The following RPTOR variants were observed in gnomAD, a reference collection of about 807,000 sequenced individuals.
RPTOR encodes regulatory associated protein of MTOR complex 1, also known as regulatory-associated protein of mTOR.
In RPTOR, 21 loss-of-function variants were observed where a neutral mutation model predicts 169.9. The ratio of observed to expected loss-of-function variants is 0.12; its 90% CI spans 0.09 to 0.18. The LOEUF (loss-of-function observed/expected upper bound fraction) is 0.18, where lower values mean the gene tolerates loss of function less well. RPTOR is among the 10% of genes least tolerant of loss of function. The pLI, the probability that RPTOR is intolerant of heterozygous loss-of-function variation, is 1.00. For missense variants in RPTOR, 1,133 were observed against 1,855.9 expected, an observed-to-expected ratio of 0.61 and a Z score of 7.16; for synonymous variants, 732 against 753.2, an observed-to-expected ratio of 0.97 and a Z score of 0.46.
chr17:80,634,492 CTG>C (rs139581970), intron 2 of RPTOR, among the ~76,000 whole-genome samples: 18,762 of 100,844 alleles, frequency 0.19, 1,834 homozygotes, highest in East Asian at 0.25. Context: ...TGTGTGCATA[CTG>C]TGTGTGTGCA....
chr17:80,646,466 A>C lies in RPTOR; in HGVS notation c.348+2656A>C, dbSNP rs985533614. Among the ~76,000 whole-genome samples the C allele has an allele frequency of 6.6e-6, 1 of 152,186 alleles. No homozygotes were observed. Among genetic ancestry groups the C allele is most frequent in the East Asian group, 1.9e-4 (1 of 5,192 alleles). ...GGACAGAGGGAGGGAGGCCTGGCATAGATAGCGTGGCTCTCAGTGTGGGGC... is the reference window on the plus strand; with the variant it reads ...GGACAGAGGGAGGGAGGCCTGGCATCGATAGCGTGGCTCTCAGTGTGGGGC... On this transcript the variant is annotated intron_variant, in intron 3 of 33. Coordinates refer to ENST00000306801, the MANE Select transcript of RPTOR (RefSeq NM_020761.3). This position sits in a 1 kb window ranked among gnomAD's most constrained non-coding sequence, Gnocchi z 5.0.
intron 3 of RPTOR, among the ~76,000 whole-genome samples, chr17:80,706,620 GCCTCGCTGTCTTAATGAGAGGCCC>G (rs1555609725): frequency 1.3e-5 from 2 of 152,232 alleles, no homozygotes; most frequent in Non-Finnish European, 2.9e-5. Flanking sequence ...CGTGCCCCCA[GCCTCGCTGTCTTAATGAGAGGCCC>G]TAGGGGAGCC....
chr17:80,799,931 T>G (rs1195645800), intron 7 of RPTOR, among the ~76,000 whole-genome samples: 5 of 152,180 alleles, frequency 3.3e-5, no homozygotes, highest in African/African-American at 1.2e-4. Flanking sequence ...TGCCCATGTG[T>G]CCTTGCCCGC....
intron 3 of RPTOR, among the ~76,000 whole-genome samples, chr17:80,696,766 C>T (rs2066040636): frequency 2.6e-5 from 4 of 152,174 alleles, no homozygotes; most frequent in Admixed American, 2.6e-4. Context: ...CCAGCCAGCC[C>T]CCCCAAGCAC....
At chr17:80,660,612 T>A (rs1433589053) in intron 3 of RPTOR, among the ~76,000 whole-genome samples, 3 of 152,184 alleles carry the variant, frequency 2.0e-5, no homozygotes, top group African/African-American at 7.2e-5. Flanking sequence ...GATCACTCCC[T>A]GCCCCGTTTC....
intron 1 of RPTOR, among the ~76,000 whole-genome samples, chr17:80,575,990 T>C (rs2064960077): frequency 1.3e-5 from 2 of 152,366 alleles, no homozygotes; most frequent in South Asian, 4.1e-4. Flanking sequence ...ATAAAACTTT[T>C]TGCCTTACAG....
chr17:80,963,384 G>A (rs377092466), intron 33 of RPTOR, among the ~76,000 whole-genome samples: 6 of 150,308 alleles, frequency 4.0e-5, no homozygotes, highest in East Asian at 3.9e-4. Flanking sequence ...ATCCCTGTGC[G>A]GCCCTCACCC....
At chr17:80,552,641 C>T (rs1351686158) in intron 1 of RPTOR, among the ~76,000 whole-genome samples, 2 of 152,210 alleles carry the variant, frequency 1.3e-5, no homozygotes, top group Non-Finnish European at 2.9e-5. Context: ...AAGGCTTCCA[C>T]ATACATTATC....
At chr17:80,565,045 T>G (rs548861192) in intron 1 of RPTOR, among the ~76,000 whole-genome samples, 1 of 152,344 alleles carries the variant, frequency 6.6e-6, no homozygotes, top group African/African-American at 2.4e-5. Flanking sequence ...TTAGGTTGAT[T>G]CCATGTCTTT....
rs1297945737 is a variant in RPTOR, at chr17:80,925,351, T to C, written c.2809-19T>C. 1.2e-6 allele frequency: 2 copies of C among 1,608,196 alleles called. No homozygotes were observed. Among genetic ancestry groups the C allele is most frequent in the African/African-American group, 2.7e-5 (2 of 74,820 alleles). ...TGGTGTTTCTTTTTCCTTCCAACCC[T>C]CCTGCTTAAACCCTGAAGACTGCGG... On this transcript the variant is annotated intron_variant, in intron 23 of 33. Coordinates refer to ENST00000306801, the MANE Select transcript of RPTOR (RefSeq NM_020761.3).
At chr17:80,551,752 C>T (rs1599541695) in intron 1 of RPTOR, among the ~76,000 whole-genome samples, 1 of 152,096 alleles carries the variant, frequency 6.6e-6, no homozygotes, top group African/African-American at 2.4e-5. Context: ...CAGCACAGAC[C>T]CTTTACGGGT....
chr17:80,603,629 A>G (rs1408590095), intron 1 of RPTOR, among the ~76,000 whole-genome samples: 2 of 152,200 alleles, frequency 1.3e-5, no homozygotes, highest in African/African-American at 4.8e-5. Flanking sequence ...AAGATAACGA[A>G]GCAAAACCAG....
chr17:80,831,082 C>T (rs1326080039), intron 9 of RPTOR, among the ~76,000 whole-genome samples: 1 of 152,136 alleles, frequency 6.6e-6, no homozygotes, highest in African/African-American at 2.4e-5. Flanking sequence ...TGCTTCCCAG[C>T]GGAGATTCCA....
chr17:80,855,533 T>G lies in RPTOR; in HGVS notation c.1384T>G (p.Trp462Gly). 6.2e-7 allele frequency: 1 copy of G among 1,613,442 alleles called. No individual in the cohort carries two copies. The highest frequency in any genetic ancestry group is 8.5e-7 in the Non-Finnish European group (1 of 1,179,330). Residue 462 changes from tryptophan (W) to glycine (G), a missense_variant, in exon 12 of 34, where the codon TGG becomes GGG. Physicochemically the swap from Trp to Gly is radical, Grantham distance 184 (BLOSUM62 -2). Transcript: ENST00000306801. ...LLGRFLDLGP[W>G]AVSLALSVGI... Reference sequence around the variant, plus strand: ...TGGAAGATTTTTGGACCTGGGTCCCTGGGCAGTGAGCCTGGTGCGTGCCTT... The same window carrying G: ...TGGAAGATTTTTGGACCTGGGTCCCGGGGCAGTGAGCCTGGTGCGTGCCTT...
At chr17:80,713,664 C>G (rs2066215447) in intron 4 of RPTOR, among the ~76,000 whole-genome samples, 1 of 152,114 alleles carries the variant, frequency 6.6e-6, no homozygotes, top group African/African-American at 2.4e-5. Context: ...CAGTGTGGCT[C>G]TATTAATCAG....
chr17:80,913,836 G>A (rs749504510), intron 21 of RPTOR, among the ~76,000 whole-genome samples: 3 of 152,152 alleles, frequency 2.0e-5, no homozygotes. Flanking sequence ...CCTGCCTGTG[G>A]CCCCAGCAGT....
In RPTOR at chr17:80,957,882, G is replaced by A; in HGVS notation, c.3477+152G>A. 1 of 694,200 alleles carries A rather than the reference G, an allele frequency of 1.4e-6. No homozygotes were observed. Among genetic ancestry groups the A allele is most frequent in the Non-Finnish European group, 2.5e-6 (1 of 402,608 alleles). The allele number at this position is 694,200 out of a possible 1,614,324, so 43.0% of individuals were successfully genotyped here. A position where few individuals can be genotyped will look rare whatever the true frequency, so the allele number is the denominator to read the frequency against. On this transcript the variant is annotated intron_variant, in intron 29 of 33. Transcript: ENST00000306801. This position sits in a 1 kb window ranked among gnomAD's most constrained non-coding sequence, Gnocchi z 4.6. ...GGAGGACAGTGCCGGGACAATGCTGGGAGGAGACGTGGGCTCCCTGAGGCC... is the reference window on the plus strand; with the variant it reads ...GGAGGACAGTGCCGGGACAATGCTGAGAGGAGACGTGGGCTCCCTGAGGCC...
chr17:80,693,324 G>A (rs952683477), intron 3 of RPTOR, among the ~76,000 whole-genome samples: 3 of 152,332 alleles, frequency 2.0e-5, no homozygotes, highest in Admixed American at 6.5e-5. Context: ...CAGTGCCCCC[G>A]AGGGCAGAGT....
At chr17:80,756,252 C>T (rs1306046204) in intron 6 of RPTOR, among the ~76,000 whole-genome samples, 3 of 152,222 alleles carry the variant, frequency 2.0e-5, no homozygotes, top group Non-Finnish European at 1.5e-5. Flanking sequence ...CTTCCACCTT[C>T]TGCCATGGGA....
Sources: allele counts gnomAD v4.1 joint callset (sites outside exome capture counted in the v4.1 genomes callset), GRCh38; gene constraint gnomAD v4.1.1; non-coding constraint Gnocchi (gnomAD v3.1); transcripts MANE v1.5; gene names NCBI Gene and HGNC (gene_info 2026-07-23, HGNC 2026-07-21).